The following ERBB4 variants were observed in gnomAD, a reference collection of about 807,000 sequenced individuals.
The protein encoded by ERBB4 is erb-b2 receptor tyrosine kinase 4.
ERBB4 carries 42 observed loss-of-function variants against 158.0 expected under a neutral mutation model. The observed-to-expected ratio is 0.27, with a 90% confidence interval of 0.21 to 0.34. The LOEUF (loss-of-function observed/expected upper bound fraction) is 0.34. Ranked by LOEUF, ERBB4 falls within the 10% of genes least tolerant of loss-of-function variation. ERBB4 has a pLI of 1.00. For missense variants in ERBB4, 1,333 were observed against 1,624.1 expected, an observed-to-expected ratio of 0.82 and a Z score of 3.08; for synonymous variants, 583 against 558.7, an observed-to-expected ratio of 1.04 and a Z score of -0.61.
intron 15 of ERBB4, 172 bp from the exon 16 acceptor site, chr2:211,658,000 G>C (rs957244369): frequency 6.3e-7 from 1 of 1,593,396 alleles, no homozygotes; most frequent in Non-Finnish European, 8.5e-7. Flanking sequence ...TGCACCTGCA[G>C]AAAATGCAAA....
At chr2:212,274,966 C>T (rs1391669182) in intron 1 of ERBB4, among the ~76,000 whole-genome samples, 3 of 151,872 alleles carry the variant, frequency 2.0e-5, no homozygotes, top group African/African-American at 4.8e-5. Context: ...TGTTCCCCTC[C>T]CTGTGTCCAT....
intron 25 of ERBB4, among the ~76,000 whole-genome samples, chr2:211,402,637 G>C (rs2063068816): frequency 6.6e-6 from 1 of 151,826 alleles, no homozygotes; most frequent in Non-Finnish European, 1.5e-5. Flanking sequence ...GGAAATTCTG[G>C]TCAAGAGAAG....
chr2:212,039,615 C>T (rs555651834), intron 2 of ERBB4, among the ~76,000 whole-genome samples: 4 of 152,236 alleles, frequency 2.6e-5, no homozygotes, highest in African/African-American at 9.6e-5. Flanking sequence ...TAATCATCGC[C>T]AGCTTTAACT....
At position 212,356,786 on chromosome 2, in the gene ERBB4, A is replaced by G. The variant is rs73987391; in HGVS notation, c.82+181663T>C. Among the ~76,000 whole-genome samples the G allele has an allele frequency of 5.8e-3, 880 of 152,034 alleles. 10 individuals are homozygous for G. Among genetic ancestry groups the G allele is most frequent in the African/African-American group, 0.02 (826 of 41,542 alleles). On this transcript the variant is annotated intron_variant, in intron 1 of 27. Coordinates refer to ENST00000342788, the MANE Select transcript of ERBB4 (RefSeq NM_005235.3). ...TTATCCTAATAGTATGAATGCTCAT[A>G]TTCAGTCAAATTGCTTGAACATCAC...
At chr2:212,170,993 T>A (rs1480583699) in intron 1 of ERBB4, among the ~76,000 whole-genome samples, 1 of 151,932 alleles carries the variant, frequency 6.6e-6, no homozygotes, top group Non-Finnish European at 1.5e-5. Context: ...GAATGATAGA[T>A]CCACCAACAG....
intron 20 of ERBB4, among the ~76,000 whole-genome samples, chr2:211,549,781 G>A (rs1270584268): frequency 1.3e-5 from 2 of 152,260 alleles, no homozygotes; most frequent in East Asian, 3.9e-4. Flanking sequence ...ATGCCTGACT[G>A]AGAGACTGGA....
At chr2:212,126,287 C>T (rs1314025410) in intron 1 of ERBB4, among the ~76,000 whole-genome samples, 1 of 151,840 alleles carries the variant, frequency 6.6e-6, no homozygotes, top group Non-Finnish European at 1.5e-5. Context: ...TGGAGAAACC[C>T]TGTCTCTACC....
chr2:211,895,621 G>A (rs2079077995), intron 3 of ERBB4, among the ~76,000 whole-genome samples: 1 of 151,992 alleles, frequency 6.6e-6, no homozygotes, highest in South Asian at 2.1e-4. Context: ...ACAGCATACA[G>A]GTAAAATGTA....
intron 1 of ERBB4, among the ~76,000 whole-genome samples, chr2:212,455,619 AAGAG>A (rs1688253189): frequency 1.3e-5 from 2 of 152,282 alleles, no homozygotes; most frequent in Non-Finnish European, 2.9e-5. Flanking sequence ...CCAAAGATGG[AAGAG>A]AGAGAGATTT....
At chr2:211,460,614 A>G (rs1029338872) in intron 20 of ERBB4, among the ~76,000 whole-genome samples, 2 of 152,184 alleles carry the variant, frequency 1.3e-5, no homozygotes, top group Non-Finnish European at 2.9e-5. Flanking sequence ...AACAAATTCT[A>G]ATCACGAGCT....
chr2:211,693,865 T>C (rs1202730583), intron 12 of ERBB4, among the ~76,000 whole-genome samples: 1 of 152,132 alleles, frequency 6.6e-6, no homozygotes, highest in African/African-American at 2.4e-5. Context: ...TCTATGGTCC[T>C]CCCCTAGCTT....
chr2:212,469,326 G>A (rs965650786), intron 1 of ERBB4, among the ~76,000 whole-genome samples: 3 of 152,104 alleles, frequency 2.0e-5, no homozygotes, highest in African/African-American at 7.2e-5. Flanking sequence ...ACATTTGAAT[G>A]TCTCTTTCAA....
At chr2:211,605,808 C>T (rs191687775) in intron 19 of ERBB4, among the ~76,000 whole-genome samples, 6 of 152,082 alleles carry the variant, frequency 3.9e-5, no homozygotes, top group African/African-American at 1.2e-4. Flanking sequence ...ACATCCTAAA[C>T]AACCTAGGAG....
chr2:212,057,465 A>T (rs1320765744), intron 2 of ERBB4, among the ~76,000 whole-genome samples: 1 of 152,204 alleles, frequency 6.6e-6, no homozygotes, highest in Non-Finnish European at 1.5e-5. Context: ...ACCCCAAATC[A>T]ACAGAATATA....
chr2:211,497,032 T>C (rs922249591), intron 20 of ERBB4, among the ~76,000 whole-genome samples: 2 of 152,148 alleles, frequency 1.3e-5, no homozygotes, highest in East Asian at 3.8e-4. Context: ...CCCCAGTATG[T>C]CCCTAGCACC....
chr2:211,608,037 T>G (rs1559344191), intron 19 of ERBB4, among the ~76,000 whole-genome samples: 1 of 151,846 alleles, frequency 6.6e-6, no homozygotes, highest in African/African-American at 2.4e-5. Context: ...CCAGAATCTT[T>G]TTTTTTTTAA....
chr2:212,145,634 G>A (rs1334978693), intron 1 of ERBB4, among the ~76,000 whole-genome samples: 2 of 147,670 alleles, frequency 1.4e-5, no homozygotes, highest in South Asian at 2.2e-4. Flanking sequence ...TCTTCATCTT[G>A]CTAAGCAATG....
rs908733299 is a variant in ERBB4 at position 211,377,744 on chromosome 2, T to C, written c.*5871A>G. The C allele has an allele frequency of 8.6e-6, 2 of 232,392 alleles. No individual in the cohort carries two copies. Among genetic ancestry groups the C allele is most frequent in the Non-Finnish European group, 1.7e-5 (2 of 117,564 alleles). 14.4% of individuals were successfully genotyped at this position (232,392 alleles called of 1,614,324 possible). On this transcript the variant is annotated 3_prime_UTR_variant, in exon 28 of 28. Transcript: ENST00000342788. ...TGGCAAAAATAACTTCTTGGTTATA[T>C]GTACAGCTTTTATGTAAAGATTAAA... is the stretch of plus-strand genomic sequence containing the variant.
chr2:212,257,452 G>C (rs1343203739), intron 1 of ERBB4, among the ~76,000 whole-genome samples: 6 of 151,950 alleles, frequency 3.9e-5, no homozygotes, highest in Non-Finnish European at 7.4e-5. Context: ...TTGTTATCTA[G>C]TACTTCACTT....
Sources: gnomAD v4.1 joint callset for allele counts (sites outside exome capture counted in the v4.1 genomes callset) on GRCh38, gnomAD v4.1.1 for gene constraint, MANE v1.5 for transcripts, NCBI Gene and HGNC (gene_info 2026-07-23, HGNC 2026-07-21) for gene names.